Variants in PASD1 observed in about 807,000 individuals in gnomAD.
PASD1 encodes circadian clock protein PASD1.
In PASD1, 13 loss-of-function variants were observed where a neutral mutation model predicts 58.8. The ratio of observed to expected loss-of-function variants is 0.22; its 90% confidence interval spans 0.14 to 0.35. PASD1 has a LOEUF of 0.35. Ranked by LOEUF, PASD1 falls within the 10% of genes least tolerant of loss-of-function variation. The probability of loss-of-function intolerance (pLI) is 1.00; values close to 1 mark genes in which losing one functional copy is unlikely to be tolerated. For missense variants in PASD1, 734 were observed against 568.3 expected (o/e 1.29, Z -2.96); for synonymous variants, 236 against 216.7 (o/e 1.09, Z -0.78).
chrX:151,598,312 A>C (rs144901718), intron 1 of PASD1, among the ~76,000 whole-genome samples: 1 of 111,347 alleles, frequency 9.0e-6, no homozygotes, highest in Non-Finnish European at 1.9e-5. Flanking sequence ...AATATGGTCT[A>C]TATGATAATA....
intron 15 of PASD1, 73 bp from the exon 16 acceptor site, chrX:151,675,924 T>C: frequency 9.2e-7 from 1 of 1,082,445 alleles, no homozygotes. Context: ...AACTAAAGGA[T>C]TCCTCCTACC....
At chrX:151,656,068 C>T (rs1427273279) in intron 9 of PASD1, among the ~76,000 whole-genome samples, 1 of 112,248 alleles carries the variant, frequency 8.9e-6, no homozygotes. Context: ...CAGCTTTCAA[C>T]ATATGTCTAG....
intron 1 of PASD1, among the ~76,000 whole-genome samples, chrX:151,580,833 T>C (rs2013079446): frequency 9.0e-6 from 1 of 111,231 alleles, no homozygotes; most frequent in South Asian, 3.8e-4. Flanking sequence ...AATTTTATTC[T>C]TTAATGTCTT....
intron 8 of PASD1, among the ~76,000 whole-genome samples, chrX:151,634,195 C>T (rs764432684): frequency 2.5e-4 from 28 of 111,029 alleles, no homozygotes; most frequent in Non-Finnish European, 4.7e-4. Context: ...ACAGCTTGCC[C>T]CATTTGCTTT....
intron 1 of PASD1, among the ~76,000 whole-genome samples, chrX:151,566,804 T>A (rs1017108033): frequency 3.6e-5 from 4 of 110,914 alleles, no homozygotes; most frequent in African/African-American, 1.3e-4. Flanking sequence ...CGGTGGCTCA[T>A]GCCTGTAATC....
At chrX:151,648,767 G>A in intron 9 of PASD1, 65 bp downstream of exon 9, 3 of 1,103,926 alleles carry the variant, frequency 2.7e-6, no homozygotes, top group Non-Finnish European at 3.7e-6. Flanking sequence ...TGATTATTTA[G>A]TTAATGTGTG....
chrX:151,569,057 C>G (rs1326912999), intron 1 of PASD1, among the ~76,000 whole-genome samples: 1 of 111,693 alleles, frequency 9.0e-6, no homozygotes, highest in Non-Finnish European at 1.9e-5. Flanking sequence ...GCAATTCCCC[C>G]TACTTAAGTC....
chrX:151,572,712 A>G (rs1457570907), intron 1 of PASD1, among the ~76,000 whole-genome samples: 1 of 110,327 alleles, frequency 9.1e-6, no homozygotes, highest in Non-Finnish European at 1.9e-5. Flanking sequence ...TTACCTATCA[A>G]ATTCTTAATT....
In PASD1 at chrX:151,671,635, C is replaced by A; in HGVS notation, c.1293C>A (p.Pro431=). The change falls in exon 13 of 16, where the codon CCC becomes CCA. Residue 431 remains proline, a synonymous_variant. Transcript: ENST00000370357. The part of the protein sequence containing the change: ...IPDLQSSEAV[P]KKQQKQHAGQ... Reference sequence around the variant, plus strand: ...ATCTCCAATCTTCGGAGGCAGTGCCCAAGAAACAACAGAAACAACACGCTG... The same window carrying A: ...ATCTCCAATCTTCGGAGGCAGTGCCAAAGAAACAACAGAAACAACACGCTG... 8.3e-7 allele frequency: 1 copy of A among 1,211,624 alleles called. No individual in the cohort carries two copies. The highest frequency in any genetic ancestry group is 1.1e-6 in the Non-Finnish European group (1 of 895,327).
At chrX:151,667,864 G>T (rs1021269383) in intron 11 of PASD1, among the ~76,000 whole-genome samples, 9 of 111,726 alleles carry the variant, frequency 8.1e-5, no homozygotes, top group African/African-American at 2.6e-4. Flanking sequence ...GGCAATGCAG[G>T]CTCTTTTTTG....
chrX:151,564,615 G>A (rs1327979728), intron 1 of PASD1, among the ~76,000 whole-genome samples: 3 of 110,002 alleles, frequency 2.7e-5, no homozygotes, highest in Non-Finnish European at 3.8e-5. Flanking sequence ...TAATGGAGGC[G>A]AACGTCGGTG....
At chrX:151,602,771 A>G (rs1398463163) in intron 2 of PASD1, among the ~76,000 whole-genome samples, 1 of 111,083 alleles carries the variant, frequency 9.0e-6, no homozygotes, top group Non-Finnish European at 1.9e-5. Context: ...TAAAATACCA[A>G]CTTCTTACCA....
intron 8 of PASD1, among the ~76,000 whole-genome samples, chrX:151,641,907 C>T (rs2014003591): frequency 1.8e-5 from 2 of 111,952 alleles, no homozygotes; most frequent in South Asian, 7.5e-4. Context: ...ATAAATTACT[C>T]TGCTGGAGAG....
intron 8 of PASD1, among the ~76,000 whole-genome samples, chrX:151,639,190 A>G (rs935815749): frequency 8.9e-6 from 1 of 112,156 alleles, no homozygotes; most frequent in African/African-American, 3.2e-5. Flanking sequence ...AACCTGAAAT[A>G]TTTTTCCATT....
intron 4 of PASD1, among the ~76,000 whole-genome samples, chrX:151,614,371 A>G (rs767244475): frequency 9.9e-5 from 11 of 111,367 alleles, no homozygotes; most frequent in Admixed American, 6.7e-4. Context: ...ATTGACAGCT[A>G]GATTACTTCA....
At chrX:151,575,275 C>T (rs1325358360) in intron 1 of PASD1, among the ~76,000 whole-genome samples, 1 of 109,680 alleles carries the variant, frequency 9.1e-6, no homozygotes, top group Non-Finnish European at 1.9e-5. Context: ...AATAGCATTT[C>T]TGTGAGAATT....
chrX:151,638,311 G>A (rs992763799), intron 8 of PASD1, among the ~76,000 whole-genome samples: 2 of 109,450 alleles, frequency 1.8e-5, no homozygotes. Flanking sequence ...GGGGGCTGGG[G>A]GAGAGATAGC....
chrX:151,588,376 A>G (rs920935393), intron 1 of PASD1, among the ~76,000 whole-genome samples: 9 of 112,455 alleles, frequency 8.0e-5, no homozygotes, highest in African/African-American at 2.6e-4. Flanking sequence ...ATTTCCAAAG[A>G]TGTAGTAGTC....
At chrX:151,646,499 A>T (rs2014062301) in intron 8 of PASD1, among the ~76,000 whole-genome samples, 1 of 112,505 alleles carries the variant, frequency 8.9e-6, no homozygotes, top group South Asian at 3.7e-4. Flanking sequence ...ACTGTGACTG[A>T]AGACTAAATT....
Sources: gnomAD v4.1 joint callset for allele counts (sites outside exome capture counted in the v4.1 genomes callset) on GRCh38, gnomAD v4.1.1 for gene constraint, MANE v1.5 for transcripts, NCBI Gene and HGNC (gene_info 2026-07-23, HGNC 2026-07-21) for gene names.